The following HPGD variants were observed in gnomAD, a reference collection of about 807,000 sequenced individuals.
HPGD encodes 15-hydroxyprostaglandin dehydrogenase [NAD(+)].
A neutral mutation model predicts 30.0 loss-of-function variants in HPGD; 29 were observed. The ratio of observed to expected loss-of-function variants is 0.97; its 90% confidence interval spans 0.72 to 1.32. The LOEUF (loss-of-function observed/expected upper bound fraction) is 1.32. Ranked by LOEUF, HPGD falls within the 40% of genes most tolerant of loss-of-function variation. The pLI is 0.00. For synonymous variants in HPGD, 99 were observed against 112.4 expected (o/e 0.88, Z 0.75); for missense variants, 340 against 322.1 (o/e 1.06, Z -0.43).
intron 3 of HPGD, among the ~76,000 whole-genome samples, chr4:174,514,840 A>G (rs1028433875): frequency 4.6e-5 from 7 of 152,170 alleles, no homozygotes; most frequent in African/African-American, 1.7e-4. Flanking sequence ...TAACCAATGT[A>G]CAAAAATCAG....
At chr4:174,505,926 A>C (rs45445797) in intron 4 of HPGD, among the ~76,000 whole-genome samples, 4,679 of 152,288 alleles carry the variant, frequency 0.031, 87 homozygotes, top group Non-Finnish European at 0.041. Flanking sequence ...TTTGTAATGC[A>C]ATATTATTCA....
intron 4 of HPGD, among the ~76,000 whole-genome samples, chr4:174,500,713 G>C (rs1734859241): frequency 6.6e-6 from 1 of 152,226 alleles, no homozygotes; most frequent in Non-Finnish European, 1.5e-5. Context: ...ACAGTTGAAA[G>C]ATCAGTGGTT....
At chr4:174,515,369 A>G (rs994033367) in intron 3 of HPGD, among the ~76,000 whole-genome samples, 2 of 152,158 alleles carry the variant, frequency 1.3e-5, no homozygotes, top group Non-Finnish European at 1.5e-5. Context: ...TACACCTACA[A>G]TCATCTGATC....
chr4:174,507,372 C>T (rs911301192), intron 4 of HPGD: 1 of 152,136 alleles, frequency 6.6e-6, no homozygotes, highest in African/African-American at 2.4e-5. Context: ...TTGAGAACTT[C>T]TAAAGGAGAT....
chr4:174,522,603 G>C, upstream of HPGD: 1 of 545,298 alleles, frequency 1.8e-6, no homozygotes, highest in Non-Finnish European at 3.1e-6. Context: ...GCGCCCGCCG[G>C]GGAACCCACG....
chr4:174,494,142 T>A lies in HPGD; in HGVS notation c.499-828A>T, dbSNP rs1163737583. Reference sequence around the variant, plus strand: ...GTGTTCCTTAGTGTAAGAAGACTGATGTCCTGTACAGAAAATATTTGTGTT... The same window carrying A: ...GTGTTCCTTAGTGTAAGAAGACTGAAGTCCTGTACAGAAAATATTTGTGTT... On this transcript the variant is annotated intron_variant, in intron 5 of 6. Transcript: ENST00000296522. The surrounding 1 kb of genome is among the most constrained non-coding windows in gnomAD (Gnocchi z 4.9). Among the ~76,000 whole-genome samples, 1 of 152,224 alleles carries A rather than the reference T, an allele frequency of 6.6e-6. No individual in the cohort carries two copies. Among genetic ancestry groups the A allele is most frequent in the Non-Finnish European group, 1.5e-5 (1 of 68,044 alleles).
At chr4:174,502,329 T>C (rs1322977003) in intron 4 of HPGD, among the ~76,000 whole-genome samples, 4 of 152,228 alleles carry the variant, frequency 2.6e-5, no homozygotes, top group Non-Finnish European at 5.9e-5. Context: ...CTGTTTTTTT[T>C]CTCATTCTTA....
intron 4 of HPGD, among the ~76,000 whole-genome samples, chr4:174,504,692 A>G (rs2110816853): frequency 6.6e-6 from 1 of 151,318 alleles, no homozygotes; most frequent in South Asian, 2.1e-4. Context: ...GTGCACCTGT[A>G]ATCCCAGCTA....
chr4:174,508,687 TG>T lies in HPGD; in HGVS notation c.421+8del. On this transcript the variant is annotated splice_region_variant and intron_variant, in intron 4 of 6. Coordinates refer to ENST00000296522, the MANE Select transcript of HPGD (RefSeq NM_000860.6). ...AAAATGTTACATTTAATGTAATAAT[TG>T]CCCTTACCTGCTAAAGATGACATAT... 1 of 1,492,482 alleles carries T rather than the reference TG, an allele frequency of 6.7e-7. No homozygotes were observed. Among genetic ancestry groups the T allele is most frequent in the Non-Finnish European group, 9.4e-7 (1 of 1,069,238 alleles). The allele number at this position is 1,492,482 out of a possible 1,614,324, so 92.5% of individuals were successfully genotyped here. A position where few individuals can be genotyped will look rare whatever the true frequency, so the allele number is the denominator to read the frequency against.
chr4:174,502,603 G>GT (rs1734970030), intron 4 of HPGD, among the ~76,000 whole-genome samples: 1 of 148,908 alleles, frequency 6.7e-6, no homozygotes, highest in South Asian at 2.1e-4. Flanking sequence ...GCGTGAACCC[G>GT]AAAGGCGGAG....
intron 4 of HPGD, among the ~76,000 whole-genome samples, chr4:174,497,298 G>A (rs1734644790): frequency 6.6e-6 from 1 of 152,174 alleles, no homozygotes; most frequent in Non-Finnish European, 1.5e-5. Flanking sequence ...ATGCAGAGAT[G>A]ATGAACTTTG....
intron 2 of HPGD, 52 bp from the exon 3 acceptor site, chr4:174,518,129 T>C: frequency 3.3e-6 from 3 of 898,998 alleles, no homozygotes; most frequent in South Asian, 2.8e-5. Context: ...CATGTATACA[T>C]TTAAATCATG....
chr4:174,499,425 T>C (rs183554237), intron 4 of HPGD, among the ~76,000 whole-genome samples: 336 of 152,324 alleles, frequency 2.2e-3, no homozygotes, highest in Non-Finnish European at 3.7e-3. Flanking sequence ...AGAATCACTC[T>C]GAGATATAAA....
intron 2 of HPGD, 68 bp downstream of exon 2, chr4:174,521,876 G>A (rs1430128798): frequency 1.9e-6 from 3 of 1,599,328 alleles, no homozygotes; most frequent in Admixed American, 1.7e-5. Flanking sequence ...CCCCCTGGCC[G>A]GGCTGCCTTC....
chr4:174,507,276 A>G (rs1299276141), intron 4 of HPGD: 1 of 152,196 alleles, frequency 6.6e-6, no homozygotes, highest in Admixed American at 6.5e-5. Context: ...GATTACCCTG[A>G]AAAATTTATA....
chr4:174,518,002 T>G lies in HPGD; in HGVS notation c.293A>C (p.Lys98Thr), dbSNP rs748561927. 26 of 1,601,218 alleles carry G rather than the reference T, an allele frequency of 1.6e-5. No homozygotes were observed. The South Asian group carries it at 2.8e-4, about 17-fold the overall frequency. Residue 98 changes from lysine (K) to threonine (T), a missense_variant, in exon 3 of 7, where the codon AAA (lysine) becomes ACA (threonine). Lys to Thr is a moderately conservative substitution (Grantham distance 78, BLOSUM62 -1). Transcript: ENST00000296522. ...LVNNAGVNNE[K>T]NWEKTLQINL... The stretch of plus-strand genomic sequence containing the variant: ...AATTTGCAGAGTTTTTTCCCAGTTT[T>G]TCTCATTATTCACTCCAGCATTATT...
intron 4 of HPGD, chr4:174,508,210 G>T: frequency 1.6e-6 from 1 of 617,564 alleles, no homozygotes; most frequent in Non-Finnish European, 2.9e-6. Flanking sequence ...GCCTCAGACT[G>T]ATGTACGAGT....
chr4:174,508,361 G>A (rs189037297), intron 4 of HPGD, among the ~76,000 whole-genome samples: 4 of 152,140 alleles, frequency 2.6e-5, no homozygotes, highest in African/African-American at 9.6e-5. Context: ...CTTCACTTTA[G>A]TGCTTTTTAC....
At chr4:174,513,795 A>G (rs921116750) in intron 3 of HPGD, among the ~76,000 whole-genome samples, 2 of 152,070 alleles carry the variant, frequency 1.3e-5, no homozygotes, top group Non-Finnish European at 2.9e-5. Flanking sequence ...ATCTGAAAAT[A>G]TAGAATAGAT....
Sources: gnomAD v4.1 joint callset for allele counts (sites outside exome capture counted in the v4.1 genomes callset) on GRCh38, gnomAD v4.1.1 for gene constraint, Gnocchi (gnomAD v3.1) non-coding constraint, MANE v1.5 for transcripts, NCBI Gene and HGNC (gene_info 2026-07-23, HGNC 2026-07-21) for gene names.